VDAC1: variants seen among roughly 807,000 people sequenced by gnomAD.
VDAC1 encodes voltage dependent anion channel 1, also known as non-selective voltage-gated ion channel VDAC1.
VDAC1 carries 10 observed loss-of-function variants against 34.7 expected under a neutral mutation model. The observed-to-expected ratio is 0.29, with a 90% confidence interval of 0.18 to 0.49. The LOEUF (loss-of-function observed/expected upper bound fraction) is 0.49. Among genes scored for constraint, VDAC1 ranks in the 20% least tolerant of loss-of-function variants. The pLI is 0.99. For missense variants in VDAC1, 230 were observed against 347.9 expected, an observed-to-expected ratio of 0.66 and a Z score of 2.69; for synonymous variants, 130 against 136.0, an observed-to-expected ratio of 0.96 and a Z score of 0.30.
the VDAC1 span, among the ~76,000 whole-genome samples, chr5:134,071,100 G>A: frequency 2.0e-5 from 3 of 152,192 alleles, no homozygotes; most frequent in Non-Finnish European, 4.4e-5. The surrounding 1 kb of genome is among the most constrained non-coding windows in gnomAD (Gnocchi z 4.1). Flanking sequence ...AGTGTTAGGG[G>A]TTAACCCAAC....
chr5:134,028,134 A>G, the VDAC1 span, among the ~76,000 whole-genome samples: 1 of 144,742 alleles, frequency 6.9e-6, no homozygotes, highest in Non-Finnish European at 1.5e-5. Context: ...TTATATATTT[A>G]TTTATTTATT....
intron 5 of VDAC1, among the ~76,000 whole-genome samples, chr5:133,981,764 CA>C (rs1432725388): frequency 6.6e-6 from 1 of 152,200 alleles, no homozygotes; most frequent in African/African-American, 2.4e-5. Flanking sequence ...AACAAGATCA[CA>C]TCCAACAAAT....
the VDAC1 span, among the ~76,000 whole-genome samples, chr5:134,044,259 C>T: frequency 2.0e-4 from 31 of 152,288 alleles, no homozygotes; most frequent in Non-Finnish European, 4.3e-4. Context: ...TTGCTGGGGG[C>T]CAACTCAGAC....
chr5:134,045,690 T>A, the VDAC1 span, among the ~76,000 whole-genome samples: 3 of 152,060 alleles, frequency 2.0e-5, no homozygotes, highest in Non-Finnish European at 4.4e-5. Context: ...CTTTTTTTTT[T>A]TTGAGATGGG....
chr5:133,998,797 T>C (rs1435875141), intron 1 of VDAC1, among the ~76,000 whole-genome samples: 1 of 152,158 alleles, frequency 6.6e-6, no homozygotes, highest in Non-Finnish European at 1.5e-5. Flanking sequence ...GCTCCCTAAC[T>C]TCAGGGTGCA....
the VDAC1 span, among the ~76,000 whole-genome samples, chr5:134,103,502 G>T: frequency 2.6e-5 from 4 of 151,932 alleles, no homozygotes; most frequent in Non-Finnish European, 4.4e-5. Context: ...AGGAGAGATC[G>T]ACTCCCCTCT....
At chr5:134,082,931 G>A in the VDAC1 span, among the ~76,000 whole-genome samples, 1 of 152,160 alleles carries the variant, frequency 6.6e-6, no homozygotes, top group African/African-American at 2.4e-5. Context: ...TTGGTGAAAT[G>A]TCTGTATAAA....
intron 8 of VDAC1, 41 bp from the exon 9 acceptor site, chr5:133,972,903 G>A (rs756927791): frequency 6.6e-7 from 1 of 1,523,482 alleles, no homozygotes; most frequent in South Asian, 1.1e-5. Context: ...GAGGAGGAAT[G>A]GAGGAAAGAA....
the VDAC1 span, among the ~76,000 whole-genome samples, chr5:134,056,923 C>T: frequency 2.6e-3 from 396 of 151,340 alleles, 13 homozygotes; most frequent in East Asian, 0.065. Flanking sequence ...TCAGGTGATC[C>T]GCTCCCCCCT....
the VDAC1 span, among the ~76,000 whole-genome samples, chr5:134,040,260 G>A: frequency 6.6e-6 from 1 of 151,998 alleles, no homozygotes. Context: ...GCGAAACCCG[G>A]TCTCCACTAA....
the VDAC1 span, among the ~76,000 whole-genome samples, chr5:134,096,506 C>T: frequency 4.6e-5 from 7 of 152,382 alleles, no homozygotes; most frequent in East Asian, 7.7e-4. Context: ...GTGGGCCACA[C>T]GATCTCTCCT....
Position 133,990,882 on chromosome 5 carries a change from A to C in VDAC1, c.296T>G (p.Phe99Cys). 1 of 1,566,670 alleles carries C rather than the reference A, an allele frequency of 6.4e-7. No homozygotes were observed. The highest frequency in any genetic ancestry group is 8.7e-7 in the Non-Finnish European group (1 of 1,155,130). ...DQLARGLKLT[F>C]DSSFSPNTGK... ...AGTGTTAGGTGAGAAGGATGAATCG[A>C]AGGTCAGCTTCAGTCCACGTGCAAG... Residue 99 changes from phenylalanine (F) to cysteine (C), a missense_variant, in exon 5 of 9, where the codon TTC becomes TGC. Transcript: ENST00000265333.
the VDAC1 span, among the ~76,000 whole-genome samples, chr5:134,057,836 T>C: frequency 2.0e-5 from 3 of 152,222 alleles, no homozygotes; most frequent in African/African-American, 7.2e-5. Flanking sequence ...TTTAGTCCTT[T>C]AAATTTTTTG....
intron 5 of VDAC1, chr5:133,989,092 T>C (rs1188724255): frequency 6.6e-6 from 1 of 152,138 alleles, no homozygotes. Context: ...TGAGAGTAAA[T>C]CAGCCCCGTA....
chr5:134,060,276 C>T, the VDAC1 span, among the ~76,000 whole-genome samples: 20 of 152,124 alleles, frequency 1.3e-4, no homozygotes, highest in Admixed American at 3.9e-4. Context: ...GCGCTGCACG[C>T]ACCTCATCCC....
upstream of VDAC1, among the ~76,000 whole-genome samples, chr5:134,008,044 T>C (rs530626486): frequency 6.6e-6 from 1 of 152,294 alleles, no homozygotes; most frequent in East Asian, 1.9e-4. Context: ...ACTCCATCCC[T>C]GACTCCAAAG....
At chr5:133,986,917 C>G (rs552888740) in intron 5 of VDAC1, among the ~76,000 whole-genome samples, 1 of 152,288 alleles carries the variant, frequency 6.6e-6, no homozygotes, top group East Asian at 1.9e-4. Flanking sequence ...ATAAATGACA[C>G]TGTGCATTAT....
At chr5:133,976,553 G>A (rs981779307) in intron 6 of VDAC1, among the ~76,000 whole-genome samples, 2 of 151,424 alleles carry the variant, frequency 1.3e-5, no homozygotes, top group African/African-American at 4.9e-5. Flanking sequence ...GGTGACTCAC[G>A]CCTGTAATCC....
the VDAC1 span, among the ~76,000 whole-genome samples, chr5:134,025,990 G>A: frequency 6.6e-6 from 1 of 152,088 alleles, no homozygotes; most frequent in Non-Finnish European, 1.5e-5. Context: ...CTTTTCCACC[G>A]AGCCTGGCCT....
Sources: allele counts gnomAD v4.1 joint callset (sites outside exome capture counted in the v4.1 genomes callset), GRCh38; gene constraint gnomAD v4.1.1; non-coding constraint Gnocchi (gnomAD v3.1); transcripts MANE v1.5; gene names NCBI Gene and HGNC (gene_info 2026-07-23, HGNC 2026-07-21).